PRKG1: variants seen among roughly 807,000 people sequenced by gnomAD.
PRKG1 encodes the protein cGMP-dependent protein kinase 1.
Under a neutral mutation model 88.1 loss-of-function variants are expected in PRKG1, and 35 were observed. The ratio of observed to expected loss-of-function variants is 0.40; its 90% CI spans 0.30 to 0.53. The LOEUF (loss-of-function observed/expected upper bound fraction) is 0.53. Ranked by LOEUF, PRKG1 falls within the 20% of genes least tolerant of loss-of-function variation. PRKG1 has a pLI of 0.59. For missense variants in PRKG1, 540 were observed against 839.8 expected, an observed-to-expected ratio of 0.64 and a Z score of 4.41; for synonymous variants, 303 against 292.5, an observed-to-expected ratio of 1.04 and a Z score of -0.37.
chr10:51,361,447 A>G (rs1842478712), intron 2 of PRKG1, among the ~76,000 whole-genome samples: 1 of 151,962 alleles, frequency 6.6e-6, no homozygotes, highest in African/African-American at 2.4e-5. Flanking sequence ...TTAGTAAAAT[A>G]TTGGCTGAGA....
chr10:51,126,452 T>G (rs1490241667), intron 1 of PRKG1, among the ~76,000 whole-genome samples: 1 of 142,926 alleles, frequency 7.0e-6, no homozygotes, highest in East Asian at 2.0e-4. Context: ...TATTCATATA[T>G]TTATATATTT....
intron 10 of PRKG1, among the ~76,000 whole-genome samples, chr10:52,264,893 A>G (rs755555695): frequency 6.6e-6 from 1 of 152,068 alleles, no homozygotes; most frequent in Non-Finnish European, 1.5e-5. Flanking sequence ...ATGAACATAA[A>G]TGTAAAGTCA....
At chr10:51,809,022 G>A (rs2132619685) in intron 4 of PRKG1, among the ~76,000 whole-genome samples, 1 of 152,246 alleles carries the variant, frequency 6.6e-6, no homozygotes, top group East Asian at 1.9e-4. Context: ...CGTAAGTTTG[G>A]AGGAGGAGAA....
chr10:51,355,562 AT>A (rs1252648332), intron 2 of PRKG1, among the ~76,000 whole-genome samples: 3 of 152,032 alleles, frequency 2.0e-5, no homozygotes, highest in African/African-American at 7.2e-5. Flanking sequence ...CTGAAAAGAA[AT>A]CTAATAGCCA....
rs16928095 is a variant in PRKG1, at chr10:52,227,869, G to A, written c.1077-23701G>A. 0.032 allele frequency among the ~76,000 whole-genome samples: 4,847 copies of A among 152,168 alleles called. 493 individuals are homozygous for A. The East Asian group carries it at 0.36, about 11-fold the overall frequency. Reference sequence around the variant, plus strand: ...ATTATTGTCGTTCTCTGGGTAATGCGTGAGAAATCATTTTGTAAGCAATGA... The same window carrying A: ...ATTATTGTCGTTCTCTGGGTAATGCATGAGAAATCATTTTGTAAGCAATGA... On this transcript the variant is annotated intron_variant, in intron 9 of 17. Coordinates refer to ENST00000373980, the MANE Select transcript of PRKG1 (RefSeq NM_006258.4).
At chr10:51,809,499 A>G (rs1839396458) in intron 4 of PRKG1, among the ~76,000 whole-genome samples, 1 of 152,214 alleles carries the variant, frequency 6.6e-6, no homozygotes, top group Non-Finnish European at 1.5e-5. Flanking sequence ...TGTTACTGCT[A>G]TTAAAACTGG....
rs766155542 is a variant in PRKG1 at position 52,260,143 on chromosome 10, C to G, written c.1173+8477C>G. On this transcript the variant is annotated intron_variant, in intron 10 of 17. Coordinates refer to ENST00000373980, the MANE Select transcript of PRKG1 (RefSeq NM_006258.4). ...ATTCCCCCAGCCCTGTCTCCCAGCA[C>G]TTTTTCAGTATTTTAAAAAATATTT... Among the ~76,000 whole-genome samples the G allele has an allele frequency of 7.6e-4, 116 of 152,038 alleles. 1 individual carries two copies. The highest frequency in any genetic ancestry group is 8.2e-4 in the Non-Finnish European group (56 of 67,970).
rs116565841 is a variant in PRKG1 at position 52,000,074 on chromosome 10, G to C, written c.763-54410G>C. On this transcript the variant is annotated intron_variant, in intron 5 of 17. Transcript: ENST00000373980. ...TGTTCCTTTATTGTTGTTCCATAAA[G>C]TTCACTCACACCCTTTCCATTACAT... Among the ~76,000 whole-genome samples the C allele has an allele frequency of 2.5e-3, 372 of 151,748 alleles. 1 individual carries two copies. The highest frequency in any genetic ancestry group is 7.1e-3 in the African/African-American group (295 of 41,416).
At chr10:51,570,996 C>T (rs925850707) in intron 3 of PRKG1, among the ~76,000 whole-genome samples, 7 of 151,860 alleles carry the variant, frequency 4.6e-5, no homozygotes, top group African/African-American at 1.4e-4. Context: ...TTAGGTTATA[C>T]CACTAACTTC....
chr10:51,955,141 G>A (rs896111127), intron 5 of PRKG1, among the ~76,000 whole-genome samples: 2 of 152,042 alleles, frequency 1.3e-5, no homozygotes, highest in African/African-American at 4.8e-5. Flanking sequence ...CTGTTGGGGA[G>A]TCTTTGAAAA....
At chr10:52,249,834 A>T (rs1202343114) in intron 9 of PRKG1, among the ~76,000 whole-genome samples, 1 of 140,648 alleles carries the variant, frequency 7.1e-6, no homozygotes, top group African/African-American at 2.5e-5. Context: ...TGTCTAAAAA[A>T]AACAAAAAGC....
intron 2 of PRKG1, among the ~76,000 whole-genome samples, chr10:51,339,676 A>G (rs1026630616): frequency 1.6e-4 from 25 of 151,842 alleles, no homozygotes; most frequent in Non-Finnish European, 3.2e-4. Context: ...TGCTGTTTTT[A>G]ACTATTTTCT....
intron 5 of PRKG1, among the ~76,000 whole-genome samples, chr10:51,950,563 C>A (rs1348719538): frequency 1.3e-5 from 2 of 152,248 alleles, no homozygotes; most frequent in African/African-American, 4.8e-5. Flanking sequence ...TCTGGCTGGC[C>A]ATTCCAAGCA....
At chr10:51,204,095 G>A (rs1369608874) in intron 2 of PRKG1, among the ~76,000 whole-genome samples, 3 of 152,124 alleles carry the variant, frequency 2.0e-5, no homozygotes, top group African/African-American at 7.2e-5. Context: ...AGAAACTTAT[G>A]TATTTCATTT....
intron 5 of PRKG1, among the ~76,000 whole-genome samples, chr10:51,933,881 C>CT (rs1210831869): frequency 6.6e-6 from 1 of 152,052 alleles, no homozygotes; most frequent in African/African-American, 2.4e-5. Context: ...TATACAAGCA[C>CT]TTCAGCAGTG....
At chr10:51,892,028 G>A (rs931933820) in intron 4 of PRKG1, among the ~76,000 whole-genome samples, 3 of 152,140 alleles carry the variant, frequency 2.0e-5, no homozygotes, top group South Asian at 2.1e-4. Context: ...AATTCACAAG[G>A]AGGCCATGCT....
chr10:51,472,009 A>G (rs371370227), intron 3 of PRKG1, among the ~76,000 whole-genome samples: 4 of 151,948 alleles, frequency 2.6e-5, no homozygotes, highest in Non-Finnish European at 4.4e-5. Context: ...ATACTTCATT[A>G]TTAATGCCAA....
intron 4 of PRKG1, among the ~76,000 whole-genome samples, chr10:51,895,444 T>G (rs77220473): frequency 0.02 from 3,117 of 152,212 alleles, 114 homozygotes; most frequent in African/African-American, 0.071. Context: ...TGCATGGGCC[T>G]GTTTCCCAGG....
intron 7 of PRKG1, among the ~76,000 whole-genome samples, chr10:52,085,621 C>T (rs983760175): frequency 6.6e-6 from 1 of 152,042 alleles, no homozygotes; most frequent in African/African-American, 2.4e-5. Flanking sequence ...ACTTTGGAGT[C>T]AAGGGCTATA....
Sources: allele counts gnomAD v4.1 joint callset (sites outside exome capture counted in the v4.1 genomes callset), GRCh38; gene constraint gnomAD v4.1.1; transcripts MANE v1.5; gene names NCBI Gene and HGNC (gene_info 2026-07-23, HGNC 2026-07-21).